The following CHIC1 variants were observed in gnomAD, a reference collection of about 807,000 sequenced individuals.
CHIC1 encodes cysteine-rich hydrophobic domain-containing protein 1.
A neutral mutation model predicts 18.5 loss-of-function variants in CHIC1; 7 were observed. The observed-to-expected ratio is 0.38, with a 90% CI of 0.22 to 0.71. CHIC1 has a LOEUF of 0.71. Among genes scored for constraint, CHIC1 ranks in the 30% least tolerant of loss-of-function variants. The pLI is 0.49. For synonymous variants in CHIC1, 77 were observed against 73.5 expected (o/e 1.05, Z -0.25); for missense variants, 159 against 176.9 (o/e 0.90, Z 0.57).
At chrX:73,608,405 A>G (rs2057692617) in intron 3 of CHIC1, among the ~76,000 whole-genome samples, 1 of 107,565 alleles carries the variant, frequency 9.3e-6, no homozygotes, top group African/African-American at 3.6e-5. Flanking sequence ...TTTTCCTGTG[A>G]ATTTTAGGAT....
At chrX:73,667,841 T>C (rs1456363994) in intron 3 of CHIC1, among the ~76,000 whole-genome samples, 4 of 110,959 alleles carry the variant, frequency 3.6e-5, no homozygotes, top group East Asian at 2.8e-4. Flanking sequence ...TGATCATGCA[T>C]TGGGGATGAT....
At chrX:73,657,950 A>G (rs915641613) in intron 3 of CHIC1, among the ~76,000 whole-genome samples, 3 of 111,798 alleles carry the variant, frequency 2.7e-5, no homozygotes, top group South Asian at 3.7e-4. Context: ...CCAACCTTGT[A>G]TTCCAGGGAG....
At chrX:73,644,600 C>A (rs1352175990) in intron 3 of CHIC1, among the ~76,000 whole-genome samples, 1 of 112,574 alleles carries the variant, frequency 8.9e-6, no homozygotes, top group Non-Finnish European at 1.9e-5. Context: ...GCCCCTCCCC[C>A]AGCCTCACTG....
At chrX:73,661,984 C>G (rs2147618802) in intron 3 of CHIC1, among the ~76,000 whole-genome samples, 1 of 109,616 alleles carries the variant, frequency 9.1e-6, no homozygotes, top group African/African-American at 3.3e-5. Flanking sequence ...CACATGTATA[C>G]ATATGTAACT....
intron 1 of CHIC1, among the ~76,000 whole-genome samples, chrX:73,573,283 T>G (rs2057479760): frequency 9.0e-6 from 1 of 111,343 alleles, no homozygotes. Flanking sequence ...TGTGGTCTAT[T>G]CTGTTCCATT....
At chrX:73,574,036 C>T (rs2057484023) in intron 1 of CHIC1, among the ~76,000 whole-genome samples, 1 of 110,134 alleles carries the variant, frequency 9.1e-6, no homozygotes, top group African/African-American at 3.3e-5. Flanking sequence ...CCAGCTTTTG[C>T]TTCTTCGGTA....
Position 73,687,052 on chromosome X carries a change from A to G in CHIC1, c.*6047A>G, listed in dbSNP as rs1323684599. 2.7e-5 allele frequency: 3 copies of G among 111,700 alleles called. No individual in the cohort carries two copies. Among genetic ancestry groups the G allele is most frequent in the African/African-American group, 9.7e-5 (3 of 30,816 alleles). 9.2% of individuals were successfully genotyped at this position (111,700 alleles called of 1,213,427 possible). A position where few individuals can be genotyped will look rare whatever the true frequency, so the allele number is the denominator to read the frequency against. Reference sequence around the variant, plus strand: ...TGTCATTGTTCACTTGTCAGATAAAATTTTATTATCTCAGGATGCAAATTT... The same window carrying G: ...TGTCATTGTTCACTTGTCAGATAAAGTTTTATTATCTCAGGATGCAAATTT... On this transcript the variant is annotated 3_prime_UTR_variant, in exon 6 of 6. Transcript: ENST00000373502.
intron 3 of CHIC1, among the ~76,000 whole-genome samples, chrX:73,673,089 G>C (rs1018003130): frequency 9.0e-6 from 1 of 111,632 alleles, no homozygotes; most frequent in South Asian, 3.8e-4. Context: ...TGAGGGCTCT[G>C]TTCTGTTCCA....
chrX:73,618,521 C>T (rs2057743958), intron 3 of CHIC1, among the ~76,000 whole-genome samples: 1 of 111,229 alleles, frequency 9.0e-6, no homozygotes, highest in Non-Finnish European at 1.9e-5. Context: ...ATGGTTGCCT[C>T]TGCTGTGTCA....
chrX:73,681,211 T>C lies in CHIC1; in HGVS notation c.*206T>C, dbSNP rs888409425. The C allele has an allele frequency of 2.7e-6, 1 of 368,582 alleles. No individual in the cohort carries two copies. The highest frequency in any genetic ancestry group is 2.7e-5 in the African/African-American group (1 of 37,492). 30.4% of individuals were successfully genotyped at this position (368,582 alleles called of 1,213,427 possible). A position where few individuals can be genotyped will look rare whatever the true frequency, so the allele number is the denominator to read the frequency against. ...TGAGGCTTGTGTTTTGCACTCTCAA[T>C]TTTAAATACACACACATGCGTGTGT... is the stretch of plus-strand genomic sequence containing the variant. On this transcript the variant is annotated 3_prime_UTR_variant, in exon 6 of 6. Transcript: ENST00000373502.
chrX:73,565,202 T>C (rs1462774307), intron 1 of CHIC1, among the ~76,000 whole-genome samples: 1 of 111,754 alleles, frequency 8.9e-6, no homozygotes, highest in Non-Finnish European at 1.9e-5. Flanking sequence ...TTATGATGGC[T>C]GGTACCAAAG....
intron 2 of CHIC1, among the ~76,000 whole-genome samples, chrX:73,583,221 A>T (rs1328161269): frequency 1.8e-5 from 2 of 111,371 alleles, no homozygotes; most frequent in Non-Finnish European, 3.8e-5. Context: ...CAATTCTAAT[A>T]AAACTTCTAA....
chrX:73,676,228 A>T (rs1245502578), intron 3 of CHIC1, among the ~76,000 whole-genome samples: 2 of 111,070 alleles, frequency 1.8e-5, no homozygotes, highest in African/African-American at 6.6e-5. Flanking sequence ...GCTCTTCTCG[A>T]GGAGTATCTT....
chrX:73,597,602 T>TAC (rs2147561929), intron 3 of CHIC1, among the ~76,000 whole-genome samples: 1 of 105,996 alleles, frequency 9.4e-6, no homozygotes, highest in African/African-American at 3.4e-5. Context: ...CACATATATA[T>TAC]ATACACACAC....
intron 3 of CHIC1, among the ~76,000 whole-genome samples, chrX:73,605,684 C>G (rs1877559409): frequency 9.2e-6 from 1 of 108,503 alleles, no homozygotes; most frequent in African/African-American, 3.6e-5. Context: ...GTAAGGCAGG[C>G]CTGGTGATGA....
In CHIC1 at chrX:73,563,218, C is replaced by T; in HGVS notation, c.-67C>T. ...CTTTCTCTTCATTTCGTTCCCCCTCCTCTTGCAGCACCTCGGCAGGTTCAA... is the reference window on the plus strand; with the variant it reads ...CTTTCTCTTCATTTCGTTCCCCCTCTTCTTGCAGCACCTCGGCAGGTTCAA... On this transcript the variant is annotated 5_prime_UTR_variant, in exon 1 of 6. Coordinates refer to ENST00000373502, the MANE Select transcript of CHIC1 (RefSeq NM_001039840.4). 3.8e-6 allele frequency: 4 copies of T among 1,041,948 alleles called. No homozygotes were observed. Among genetic ancestry groups the T allele is most frequent in the Non-Finnish European group, 4.9e-6 (4 of 809,297 alleles). The allele number at this position is 1,041,948 out of a possible 1,213,427, so 85.9% of individuals were successfully genotyped here. A position where few individuals can be genotyped will look rare whatever the true frequency, so the allele number is the denominator to read the frequency against.
intron 3 of CHIC1, among the ~76,000 whole-genome samples, chrX:73,633,067 G>A (rs1175610966): frequency 1.1e-4 from 12 of 110,713 alleles, no homozygotes; most frequent in African/African-American, 2.0e-4. Context: ...GCGCCTGGCC[G>A]GTATTGTTAT....
At chrX:73,629,247 C>T (rs755730108) in intron 3 of CHIC1, among the ~76,000 whole-genome samples, 1 of 111,106 alleles carries the variant, frequency 9.0e-6, no homozygotes, top group African/African-American at 3.3e-5. Context: ...TATGTTCTCA[C>T]ATTCCATAGA....
Position 73,563,422 on chromosome X carries a change from G to A in CHIC1, c.138G>A (p.Glu46=). Residue 46 remains glutamate (E), a synonymous_variant, in exon 1 of 6, where the codon GAG becomes GAA. Coordinates refer to ENST00000373502, the MANE Select transcript of CHIC1 (RefSeq NM_001039840.4). ...TATCTGGGCCCGACGATGACGAGGA[G>A]GATGAGGAGGAAGAGGAGGAAGAGG... ...SSVSGPDDDE[E]DEEEEEEEEE... The A allele has an allele frequency of 8.6e-7, 1 of 1,161,480 alleles. No individual in the cohort carries two copies. Among genetic ancestry groups the A allele is most frequent in the Non-Finnish European group, 1.1e-6 (1 of 869,635 alleles).
Sources: allele counts gnomAD v4.1 joint callset (sites outside exome capture counted in the v4.1 genomes callset), GRCh38; gene constraint gnomAD v4.1.1; transcripts MANE v1.5; gene names NCBI Gene and HGNC (gene_info 2026-07-23, HGNC 2026-07-21).